Variants in CPNE4 observed in about 807,000 individuals in gnomAD.
CPNE4 encodes the protein copine-4.
A neutral mutation model predicts 67.9 loss-of-function variants in CPNE4; 25 were observed. The observed-to-expected ratio is 0.37, with a 90% CI of 0.27 to 0.51. CPNE4 has a LOEUF of 0.51. CPNE4 is among the 20% of genes least tolerant of loss of function. The probability of loss-of-function intolerance (pLI) is 0.93; values close to 1 mark genes in which losing one functional copy is unlikely to be tolerated. For synonymous variants in CPNE4, 242 were observed against 244.9 expected, an observed-to-expected ratio of 0.99 and a Z score of 0.11; for missense variants, 464 against 690.8, an observed-to-expected ratio of 0.67 and a Z score of 3.68.
At chr3:132,035,490 A>G (rs1413970124), upstream of CPNE4, 1 of 152,356 alleles carries the variant, frequency 6.6e-6, no homozygotes, top group East Asian at 1.9e-4. Context: ...TAATGGACAA[A>G]GAGTATTTTC....
At chr3:131,677,863 C>T (rs760678480) in intron 6 of CPNE4, among the ~76,000 whole-genome samples, 10 of 152,016 alleles carry the variant, frequency 6.6e-5, no homozygotes, top group Non-Finnish European at 1.0e-4. Flanking sequence ...AATCAGGTAG[C>T]GTGATGCCTC....
intron 7 of CPNE4, among the ~76,000 whole-genome samples, chr3:131,597,636 T>C (rs1486279868): frequency 1.3e-5 from 2 of 152,174 alleles, no homozygotes; most frequent in African/African-American, 4.8e-5. Flanking sequence ...TTAAAGGAAA[T>C]ATGTTCTTTT....
At chr3:131,547,569 G>T (rs77502524) in intron 14 of CPNE4, among the ~76,000 whole-genome samples, 1,704 of 146,116 alleles carry the variant, frequency 0.012, 30 homozygotes, top group South Asian at 0.072. Context: ...GATTTTCTTA[G>T]CTTTCACACC....
chr3:131,876,997 T>A (rs528770643), intron 2 of CPNE4, among the ~76,000 whole-genome samples: 3 of 152,198 alleles, frequency 2.0e-5, no homozygotes, highest in Non-Finnish European at 2.9e-5. Context: ...CTACAGCAAA[T>A]AATGTACTTT....
intron 2 of CPNE4, among the ~76,000 whole-genome samples, chr3:131,867,361 G>A (rs1006847791): frequency 2.8e-4 from 43 of 151,968 alleles, no homozygotes; most frequent in African/African-American, 9.7e-4. Context: ...AACAAAGAAT[G>A]AACAAAAAGT....
rs1364993002 is a variant in CPNE4, at chr3:131,735,669, C to CTAT, written c.181-12047_181-12045dup. On this transcript the variant is annotated intron_variant, in intron 2 of 15. Coordinates refer to ENST00000429747, the MANE Select transcript of CPNE4 (RefSeq NM_130808.3). The stretch of plus-strand genomic sequence containing the variant: ...TGAAGTGTTAAGAAAATATACATCT[C>CTAT]TATTACATGTTTTAGAGGCATTTTC... Among the ~76,000 whole-genome samples, 9 of 152,350 alleles carry CTAT rather than the reference C, an allele frequency of 5.9e-5. No homozygotes were observed. In the East Asian group the frequency reaches 1.7e-3, roughly 29 times the overall value.
At chr3:131,760,958 G>C (rs907976349) in intron 2 of CPNE4, among the ~76,000 whole-genome samples, 7 of 152,032 alleles carry the variant, frequency 4.6e-5, no homozygotes, top group Non-Finnish European at 8.8e-5. Flanking sequence ...TTTTCTTAGC[G>C]GCTGGATAAA....
intron 2 of CPNE4, among the ~76,000 whole-genome samples, chr3:131,842,613 G>A (rs2085830108): frequency 6.6e-6 from 1 of 151,644 alleles, no homozygotes; most frequent in South Asian, 2.1e-4. Context: ...ACATGATTGT[G>A]TTAACCTGGA....
At chr3:131,821,993 G>A (rs989002070) in intron 2 of CPNE4, among the ~76,000 whole-genome samples, 1 of 152,170 alleles carries the variant, frequency 6.6e-6, no homozygotes, top group Non-Finnish European at 1.5e-5. Flanking sequence ...CAGGAAGTAA[G>A]AAGGAATTGG....
chr3:131,930,650 A>G (rs1417791720), intron 1 of CPNE4, among the ~76,000 whole-genome samples: 1 of 152,142 alleles, frequency 6.6e-6, no homozygotes, highest in East Asian at 1.9e-4. Flanking sequence ...AGTGTCTGCC[A>G]CATAGTAATT....
At chr3:132,020,761 T>A (rs2107688823) in intron 1 of CPNE4, among the ~76,000 whole-genome samples, 1 of 152,214 alleles carries the variant, frequency 6.6e-6, no homozygotes, top group Non-Finnish European at 1.5e-5. Context: ...GGTACATGAG[T>A]GAAGGCACTC....
chr3:131,783,031 T>C (rs1319006975), intron 2 of CPNE4, among the ~76,000 whole-genome samples: 1 of 152,074 alleles, frequency 6.6e-6, no homozygotes, highest in African/African-American at 2.4e-5. Flanking sequence ...AATGATTTTG[T>C]GTACAGCTTA....
chr3:131,863,765 C>T (rs2086800651), intron 2 of CPNE4, among the ~76,000 whole-genome samples: 1 of 152,326 alleles, frequency 6.6e-6, no homozygotes, highest in South Asian at 2.1e-4. Flanking sequence ...GTGTTTTAGA[C>T]ATGAAGTCCT....
chr3:131,903,097 T>C (rs2088612191), intron 2 of CPNE4, among the ~76,000 whole-genome samples: 1 of 152,094 alleles, frequency 6.6e-6, no homozygotes, highest in African/African-American at 2.4e-5. Flanking sequence ...TTAAACATGC[T>C]GACTCTCGGG....
chr3:131,709,607 G>A (rs753391941), intron 3 of CPNE4, among the ~76,000 whole-genome samples: 11 of 152,218 alleles, frequency 7.2e-5, no homozygotes, highest in Admixed American at 6.5e-4. Context: ...AGGTGGGGAT[G>A]TTATCTCAGA....
intron 2 of CPNE4, among the ~76,000 whole-genome samples, chr3:131,799,511 T>C (rs1426258784): frequency 6.6e-6 from 1 of 152,188 alleles, no homozygotes; most frequent in Non-Finnish European, 1.5e-5. Context: ...GTTTTGTCTT[T>C]AATTTTGTTT....
chr3:131,972,571 C>T (rs1001547494), intron 1 of CPNE4, among the ~76,000 whole-genome samples: 7 of 152,110 alleles, frequency 4.6e-5, no homozygotes, highest in Admixed American at 1.3e-4. Context: ...CCCTCACATC[C>T]GAGAAGAATC....
At chr3:131,947,235 ATTTTT>A (rs1159029837) in intron 1 of CPNE4, among the ~76,000 whole-genome samples, 3 of 151,362 alleles carry the variant, frequency 2.0e-5, no homozygotes, top group South Asian at 2.1e-4. Context: ...CCCTTTTTTT[ATTTTT>A]TAAGTTCTGG....
At chr3:131,948,495 G>C (rs1180822314) in intron 1 of CPNE4, among the ~76,000 whole-genome samples, 1 of 152,166 alleles carries the variant, frequency 6.6e-6, no homozygotes, top group Admixed American at 6.5e-5. Flanking sequence ...TTTCTTCATA[G>C]CAGTGTGAAA....
Sources: allele counts gnomAD v4.1 joint callset (sites outside exome capture counted in the v4.1 genomes callset), GRCh38; gene constraint gnomAD v4.1.1; transcripts MANE v1.5; gene names NCBI Gene and HGNC (gene_info 2026-07-23, HGNC 2026-07-21).